MRTFA: variants seen among roughly 807,000 people sequenced by gnomAD.
The protein encoded by MRTFA is myocardin related transcription factor A.
A neutral mutation model predicts 83.5 loss-of-function variants in MRTFA; 20 were observed. The observed-to-expected ratio is 0.24, with a 90% CI of 0.17 to 0.35. The LOEUF (loss-of-function observed/expected upper bound fraction) is 0.35. Among genes scored for constraint, MRTFA ranks in the 10% least tolerant of loss-of-function variants. The probability of loss-of-function intolerance (pLI) is 1.00; values close to 1 mark genes in which losing one functional copy is unlikely to be tolerated. For missense variants in MRTFA, 1,200 were observed against 1,224.7 expected, an observed-to-expected ratio of 0.98 and a Z score of 0.30; for synonymous variants, 659 against 541.2, an observed-to-expected ratio of 1.22 and a Z score of -3.02.
chr22:40,545,341 C>A (rs2147301514), intron 3 of MRTFA, among the ~76,000 whole-genome samples: 1 of 152,188 alleles, frequency 6.6e-6, no homozygotes, highest in African/African-American at 2.4e-5. Flanking sequence ...CACCTCCTCT[C>A]TTTAAGGCTC....
At chr22:40,582,610 C>T (rs2055964571) in intron 2 of MRTFA, among the ~76,000 whole-genome samples, 1 of 151,884 alleles carries the variant, frequency 6.6e-6, no homozygotes, top group South Asian at 2.1e-4. Flanking sequence ...AAAAACTTCC[C>T]AAGGTTACTT....
At chr22:40,553,988 C>A (rs1168769013) in intron 2 of MRTFA, among the ~76,000 whole-genome samples, 2 of 152,218 alleles carry the variant, frequency 1.3e-5, no homozygotes. Context: ...CATTTCAGAG[C>A]CTTAAGATCT....
At chr22:40,625,172 T>C (rs909564935) in intron 1 of MRTFA, among the ~76,000 whole-genome samples, 28 of 152,204 alleles carry the variant, frequency 1.8e-4, no homozygotes, top group Non-Finnish European at 3.8e-4. Context: ...TAATGTTAAA[T>C]AGTTCAATGA....
At chr22:40,429,235 C>CAT (rs2147090020) in intron 7 of MRTFA, 4 of 594,898 alleles carry the variant, frequency 6.7e-6, no homozygotes, top group South Asian at 2.1e-5. Context: ...AGAGACTTCA[C>CAT]TAATAAAGAG....
chr22:40,492,582 G>A (rs1410375933), intron 3 of MRTFA, among the ~76,000 whole-genome samples: 19 of 152,182 alleles, frequency 1.2e-4, no homozygotes, highest in Admixed American at 1.2e-3. Context: ...CAGACAAGCA[G>A]TATCACATGA....
At chr22:40,596,390 G>A (rs1318330800) in intron 1 of MRTFA, among the ~76,000 whole-genome samples, 1 of 152,140 alleles carries the variant, frequency 6.6e-6, no homozygotes, top group Admixed American at 6.6e-5. Context: ...CAACAGATAT[G>A]GTTACATATA....
At chr22:40,455,073 T>C (rs1038182968) in intron 4 of MRTFA, among the ~76,000 whole-genome samples, 18 of 152,220 alleles carry the variant, frequency 1.2e-4, no homozygotes, top group African/African-American at 4.3e-4. Flanking sequence ...GTGCTGGGAC[T>C]GCAAATGTGA....
intron 1 of MRTFA, among the ~76,000 whole-genome samples, chr22:40,595,116 CTTT>C (rs778797295): frequency 2.5e-5 from 3 of 119,260 alleles, no homozygotes; most frequent in East Asian, 2.5e-4. Flanking sequence ...TGATAAATGC[CTTT>C]TTTTTTTTTT....
chr22:40,535,148 G>A (rs2055145927), intron 3 of MRTFA, among the ~76,000 whole-genome samples: 1 of 152,142 alleles, frequency 6.6e-6, no homozygotes, highest in African/African-American at 2.4e-5. Context: ...TGGGAAAGCA[G>A]AAGCATCTCA....
chr22:40,455,846 A>ATGTATGTT (rs2053577884), intron 4 of MRTFA, among the ~76,000 whole-genome samples: 1 of 150,452 alleles, frequency 6.6e-6, no homozygotes. Context: ...GTATGTATGT[A>ATGTATGTT]TTTATGAGAT....
chr22:40,470,236 T>C (rs1266845490), intron 3 of MRTFA, among the ~76,000 whole-genome samples: 1 of 16,694 alleles, frequency 6.0e-5, no homozygotes, highest in Non-Finnish European at 1.6e-4. Flanking sequence ...AAATTTTATA[T>C]ATATATATAT....
intron 2 of MRTFA, among the ~76,000 whole-genome samples, chr22:40,583,807 G>A (rs5758012): frequency 1.3e-5 from 2 of 152,172 alleles, no homozygotes; most frequent in Admixed American, 1.3e-4. Flanking sequence ...CCCTGCCTCA[G>A]TCCATGGAAA....
At chr22:40,426,473 C>CT (rs2052956401) in intron 7 of MRTFA, among the ~76,000 whole-genome samples, 1 of 152,174 alleles carries the variant, frequency 6.6e-6, no homozygotes, top group African/African-American at 2.4e-5. Flanking sequence ...TCACCACCTC[C>CT]TTCTCTCCTA....
At chr22:40,483,191 G>A (rs532343332) in intron 3 of MRTFA, among the ~76,000 whole-genome samples, 1 of 152,048 alleles carries the variant, frequency 6.6e-6, no homozygotes, top group South Asian at 2.1e-4. Context: ...CTCCCAAATA[G>A]CTAGGACTGC....
chr22:40,497,141 G>T (rs9611361), intron 3 of MRTFA, among the ~76,000 whole-genome samples: 3 of 152,172 alleles, frequency 2.0e-5, no homozygotes, highest in African/African-American at 7.2e-5. Flanking sequence ...CAATCCCTCA[G>T]CATGGTAAGT....
At chr22:40,413,060 C>A (rs528089238) in intron 14 of MRTFA, among the ~76,000 whole-genome samples, 201 of 147,322 alleles carry the variant, frequency 1.4e-3, no homozygotes, top group African/African-American at 4.9e-3. Context: ...TGGCTTGAAC[C>A]CGGGAGGCGG....
intron 2 of MRTFA, among the ~76,000 whole-genome samples, chr22:40,573,977 T>C (rs1247160735): frequency 6.6e-6 from 1 of 152,138 alleles, no homozygotes; most frequent in Non-Finnish European, 1.5e-5. Context: ...CTCGAATTCA[T>C]GGGCTCAAAC....
At position 40,412,964 on chromosome 22, in the gene MRTFA, C is replaced by T. The variant is rs181454027; in HGVS notation, c.2579-1057G>A. On this transcript the variant is annotated intron_variant, in intron 14 of 14. Coordinates refer to ENST00000355630, the MANE Select transcript of MRTFA (RefSeq NM_020831.6). ...CAGCCAGGCTAACATGGTGAAACCC[C>T]GACCTCTACTAAAAATACAAAAATT... is the stretch of plus-strand genomic sequence containing the variant. 16 of 151,768 alleles carry T rather than the reference C, an allele frequency of 1.1e-4. No individual in the cohort carries two copies. In the East Asian group the frequency reaches 1.4e-3, roughly 13 times the overall value. The allele number at this position is 151,768 out of a possible 1,614,324, so 9.4% of individuals were successfully genotyped here.
chr22:40,427,626 A>C (rs2052982874), intron 7 of MRTFA, among the ~76,000 whole-genome samples: 1 of 152,188 alleles, frequency 6.6e-6, no homozygotes, highest in African/African-American at 2.4e-5. Flanking sequence ...TAGGATAATA[A>C]ATATATTTGG....
Sources: allele counts gnomAD v4.1 joint callset (sites outside exome capture counted in the v4.1 genomes callset), GRCh38; gene constraint gnomAD v4.1.1; transcripts MANE v1.5; gene names NCBI Gene and HGNC (gene_info 2026-07-23, HGNC 2026-07-21).